ANKFN1: variants seen among roughly 807,000 people sequenced by gnomAD.
ANKFN1 encodes the protein ankyrin repeat and fibronectin type-III domain-containing protein 1.
In ANKFN1, 74 loss-of-function variants were observed where a neutral mutation model predicts 108.7. The ratio of observed to expected loss-of-function variants is 0.68; its 90% CI spans 0.56 to 0.83. The LOEUF is 0.83. ANKFN1 is among the 40% of genes least tolerant of loss of function. The probability of loss-of-function intolerance (pLI) is 0.00; values close to 1 mark genes in which losing one functional copy is unlikely to be tolerated. For missense variants in ANKFN1, 1,505 were observed against 1,382.3 expected (o/e 1.09, Z -1.41); for synonymous variants, 547 against 516.2 (o/e 1.06, Z -0.81).
chr17:56,103,621 G>A (rs1905689649), intron 4 of ANKFN1, among the ~76,000 whole-genome samples: 1 of 152,138 alleles, frequency 6.6e-6, no homozygotes, highest in African/African-American at 2.4e-5. Context: ...TGTAGGATCT[G>A]CTGAAAAGAG....
intron 3 of ANKFN1, among the ~76,000 whole-genome samples, chr17:56,228,848 C>G (rs1916490534): frequency 6.6e-6 from 1 of 152,042 alleles, no homozygotes; most frequent in South Asian, 2.1e-4. Context: ...TGTAGAATTT[C>G]CAGCAGAGAA....
chr17:56,386,166 T>A (rs1226962027), intron 8 of ANKFN1, among the ~76,000 whole-genome samples: 1 of 151,488 alleles, frequency 6.6e-6, no homozygotes, highest in Admixed American at 6.6e-5. Flanking sequence ...TTCATGTCCT[T>A]TGTAGGGACA....
chr17:56,493,829 A>ATAAC (rs927226334), intron 19 of ANKFN1, among the ~76,000 whole-genome samples: 1 of 152,188 alleles, frequency 6.6e-6, no homozygotes, highest in African/African-American at 2.4e-5. Flanking sequence ...AGAAGCTATT[A>ATAAC]TAACTATCCA....
chr17:56,175,749 T>C (rs540879809), intron 1 of ANKFN1, among the ~76,000 whole-genome samples: 7 of 152,294 alleles, frequency 4.6e-5, no homozygotes, highest in Admixed American at 2.0e-4. Flanking sequence ...CAGTTATCAA[T>C]CAATGGAGAT....
chr17:56,368,310 C>T (rs1378743666), intron 6 of ANKFN1: 10 of 109,368 alleles, frequency 9.1e-5, no homozygotes, highest in East Asian at 8.4e-4. Flanking sequence ...GAAGGAGTCT[C>T]GCTCCGTCTC....
At chr17:56,073,132 A>G (rs1287220281) in intron 4 of ANKFN1, among the ~76,000 whole-genome samples, 1 of 150,800 alleles carries the variant, frequency 6.6e-6, no homozygotes, top group African/African-American at 2.4e-5. Flanking sequence ...AGCTGGGACT[A>G]CAGGCGCCCG....
At chr17:56,226,128 G>A (rs1452362302) in intron 2 of ANKFN1, among the ~76,000 whole-genome samples, 2 of 152,098 alleles carry the variant, frequency 1.3e-5, no homozygotes, top group Non-Finnish European at 2.9e-5. Context: ...GGCAAGGGGT[G>A]GGAGGAAATG....
chr17:56,437,623 T>C (rs763302600), intron 8 of ANKFN1, among the ~76,000 whole-genome samples: 66 of 152,240 alleles, frequency 4.3e-4, no homozygotes, highest in Non-Finnish European at 7.6e-4. Flanking sequence ...CCGTTTTTCT[T>C]CTATAGCTAA....
chr17:56,457,217 T>C (rs1220112879), intron 12 of ANKFN1, 40 bp from the exon 13 acceptor site: 1 of 1,513,976 alleles, frequency 6.6e-7, no homozygotes, highest in East Asian at 2.3e-5. Context: ...TTTTCCAAGA[T>C]GGTTGAGGAC....
At chr17:56,448,970 C>T (rs2049388718) in intron 10 of ANKFN1, 109 bp from the exon 11 acceptor site, 3 of 818,592 alleles carry the variant, frequency 3.7e-6, no homozygotes, top group African/African-American at 3.4e-5. Context: ...GGGTGCTCAT[C>T]CGCAGAGACT....
At chr17:56,297,289 G>A (rs1197965993) in intron 3 of ANKFN1, among the ~76,000 whole-genome samples, 2 of 152,182 alleles carry the variant, frequency 1.3e-5, no homozygotes, top group African/African-American at 4.8e-5. Context: ...TGAGCCTGCA[G>A]GGGCTGGCAG....
rs2051732888 is a variant in ANKFN1 at position 56,510,867 on chromosome 17, C to T, written c.3039C>T (p.Arg1013=). The T allele has an allele frequency of 6.5e-7, 1 of 1,535,992 alleles. No individual in the cohort carries two copies. The highest frequency in any genetic ancestry group is 8.7e-7 in the Non-Finnish European group (1 of 1,146,922). The change falls in exon 21 of 21, where the codon CGC becomes CGT. Residue 1013 remains arginine (R), a synonymous_variant. Transcript: ENST00000682825. ...GKHPHYGGFS[R]HHRWLRIHSE... ...ACCCCCACTATGGCGGCTTCAGCCG[C>T]CATCATCGCTGGTTGCGCATCCACA...
At chr17:56,375,743 G>A (rs188116998) in intron 8 of ANKFN1, among the ~76,000 whole-genome samples, 1 of 152,298 alleles carries the variant, frequency 6.6e-6, no homozygotes, top group Non-Finnish European at 1.5e-5. Context: ...ATGTACTGCA[G>A]AGGTATTGTG....
chr17:56,275,849 CA>C (rs1405967462), intron 3 of ANKFN1, among the ~76,000 whole-genome samples: 9 of 152,064 alleles, frequency 5.9e-5, no homozygotes, highest in African/African-American at 2.2e-4. Flanking sequence ...CCTAGATCAG[CA>C]CTGTATTTTT....
At chr17:56,448,066 G>C (rs1349324518) in intron 10 of ANKFN1, among the ~76,000 whole-genome samples, 2 of 152,204 alleles carry the variant, frequency 1.3e-5, no homozygotes, top group African/African-American at 4.8e-5. Context: ...GTGGGGGAAG[G>C]AGTTTGAAAC....
chr17:56,457,736 T>C, intron 13 of ANKFN1, 127 bp from the exon 14 acceptor site: 1 of 718,718 alleles, frequency 1.4e-6, no homozygotes, highest in East Asian at 2.5e-5. Flanking sequence ...GTTTCGTGTG[T>C]GTCTGAAAAT....
Position 56,480,888 on chromosome 17 carries a change from G to GGTGTGTGTGTGT in ANKFN1, c.2091+93_2091+104dup, listed in dbSNP as rs749625590. ...GAAACTGCATTGTAACATTAAGTGGGGTGTGTGTGTGTGTGTGTGTGTGTG... is the reference window on the plus strand; with the variant it reads ...GAAACTGCATTGTAACATTAAGTGGGGTGTGTGTGTGTGTGTGTGTGTGTGTGTGTGTGTGTG... On this transcript the variant is annotated intron_variant, in intron 17 of 20. Coordinates refer to ENST00000682825, the MANE Select transcript of ANKFN1 (RefSeq NM_001370326.1). 336 of 1,337,698 alleles carry GGTGTGTGTGTGT rather than the reference G, an allele frequency of 2.5e-4. 1 individual carries two copies. The highest frequency in any genetic ancestry group is 2.0e-3 in the African/African-American group (113 of 57,156). 82.9% of individuals were successfully genotyped at this position (1,337,698 alleles called of 1,614,324 possible).
chr17:56,046,710 T>C lies in ANKFN1; in HGVS notation c.288+385T>C, dbSNP rs569828121. On this transcript the variant is annotated intron_variant, in intron 4 of 12. Coordinates refer to the ANKFN1 transcript ENST00000635860. Reference sequence around the variant, plus strand: ...ATTTCTTTGCTATCAAGCGCCTTAATGTGGAGGGGCATTTACATCCCTCTA... The same window carrying C: ...ATTTCTTTGCTATCAAGCGCCTTAACGTGGAGGGGCATTTACATCCCTCTA... Among the ~76,000 whole-genome samples the C allele has an allele frequency of 2.5e-4, 38 of 152,264 alleles. No individual in the cohort carries two copies. The South Asian group carries it at 7.5e-3, about 30-fold the overall frequency.
At chr17:56,422,123 A>G (rs533952408) in intron 8 of ANKFN1, among the ~76,000 whole-genome samples, 6 of 152,312 alleles carry the variant, frequency 3.9e-5, no homozygotes, top group Non-Finnish European at 7.3e-5. Context: ...TTTTAAAACC[A>G]TGTGCCTCCT....
Sources: gnomAD v4.1 joint callset for allele counts (sites outside exome capture counted in the v4.1 genomes callset) on GRCh38, gnomAD v4.1.1 for gene constraint, MANE v1.5 for transcripts, NCBI Gene and HGNC (gene_info 2026-07-23, HGNC 2026-07-21) for gene names.